Variants in PTK2 observed in about 807,000 individuals in gnomAD.
PTK2 encodes focal adhesion kinase 1.
PTK2 carries 45 observed loss-of-function variants against 150.1 expected under a neutral mutation model. That is an observed-to-expected ratio of 0.30 (90% CI 0.24 to 0.38). PTK2 has a LOEUF of 0.38. PTK2 is among the 10% of genes least tolerant of loss of function. The pLI, the probability that PTK2 is intolerant of heterozygous loss-of-function variation, is 1.00. For missense variants in PTK2, 919 were observed against 1,307.3 expected (o/e 0.70, Z 4.58); for synonymous variants, 432 against 449.2 (o/e 0.96, Z 0.48).
intron 27 of PTK2, chr8:140,675,896 C>A (rs1194187092): frequency 1.2e-5 from 2 of 161,666 alleles, no homozygotes; most frequent in Non-Finnish European, 2.7e-5. Context: ...ATCCAGCAAT[C>A]CCATGACTGC....
At chr8:140,938,172 T>G (rs896751979) in intron 1 of PTK2, among the ~76,000 whole-genome samples, 3 of 152,170 alleles carry the variant, frequency 2.0e-5, no homozygotes, top group Non-Finnish European at 4.4e-5. Context: ...AGTCCACTAG[T>G]GTAGGGCTGT....
At chr8:140,894,919 T>C (rs1197575496) in intron 2 of PTK2, among the ~76,000 whole-genome samples, 1 of 152,210 alleles carries the variant, frequency 6.6e-6, no homozygotes, top group Non-Finnish European at 1.5e-5. Context: ...AAACTGACAC[T>C]ATACCTAATA....
intron 1 of PTK2, among the ~76,000 whole-genome samples, chr8:140,935,427 G>C (rs1014927879): frequency 7.2e-5 from 11 of 152,222 alleles, no homozygotes; most frequent in African/African-American, 2.6e-4. Context: ...ATAACACCTA[G>C]GCTGCGATGT....
intron 21 of PTK2, 67 bp downstream of exon 24, chr8:140,738,951 T>C: frequency 9.8e-7 from 1 of 1,024,170 alleles, no homozygotes; most frequent in Non-Finnish European, 1.4e-6. Context: ...CAAAAAGAGA[T>C]AATTTTTTTT....
intron 11 of PTK2, 152 bp downstream of exon 11, chr8:140,803,391 A>G: frequency 1.5e-6 from 1 of 674,072 alleles, no homozygotes; most frequent in Non-Finnish European, 2.6e-6. Context: ...ACATTTAATC[A>G]TTATTGTTTC....
intron 22 of PTK2, among the ~76,000 whole-genome samples, chr8:140,722,631 G>A (rs1400174110): frequency 1.3e-5 from 2 of 152,140 alleles, no homozygotes; most frequent in African/African-American, 4.8e-5. Context: ...CAGGAGACCA[G>A]TCAGAGACCA....
chr8:140,851,018 A>C (rs1008149092), intron 5 of PTK2, among the ~76,000 whole-genome samples: 1 of 152,232 alleles, frequency 6.6e-6, no homozygotes, highest in Non-Finnish European at 1.5e-5. Flanking sequence ...AGTTGGACTC[A>C]AATGACCTTG....
chr8:140,876,840 T>C (rs1164180254), intron 4 of PTK2, among the ~76,000 whole-genome samples: 1 of 152,126 alleles, frequency 6.6e-6, no homozygotes, highest in East Asian at 1.9e-4. Flanking sequence ...ATTTGGACTA[T>C]CCAAATTCTC....
intron 7 of PTK2, among the ~76,000 whole-genome samples, chr8:140,834,263 T>A (rs900998732): frequency 3.9e-5 from 6 of 152,150 alleles, no homozygotes; most frequent in African/African-American, 1.2e-4. Context: ...GCACTGGGAA[T>A]AGGTGCAGAG....
intron 4 of PTK2, among the ~76,000 whole-genome samples, chr8:140,871,609 G>A (rs1404438222): frequency 1.3e-5 from 2 of 152,130 alleles, no homozygotes; most frequent in Non-Finnish European, 2.9e-5. Flanking sequence ...GATCAGCCTG[G>A]GTAACATATC....
At chr8:140,694,685 C>G (rs1021348145) in intron 26 of PTK2, among the ~76,000 whole-genome samples, 7 of 152,086 alleles carry the variant, frequency 4.6e-5, no homozygotes, top group Non-Finnish European at 7.4e-5. Context: ...TGCCAAAGGC[C>G]AAGACCCAGA....
chr8:140,818,460 G>T, intron 9 of PTK2, 106 bp from the exon 10 acceptor site: 1 of 947,256 alleles, frequency 1.1e-6, no homozygotes, highest in Non-Finnish European at 1.7e-6. Context: ...GGGCTGGTTT[G>T]GTTTGCTATT....
chr8:140,802,646 T>G (rs1297554674), intron 11 of PTK2, among the ~76,000 whole-genome samples: 4 of 152,196 alleles, frequency 2.6e-5, no homozygotes, highest in African/African-American at 9.7e-5. Context: ...CAAGCTCCAC[T>G]CATGGTAAGG....
At position 140,706,216 on chromosome 8, in the gene PTK2, A is replaced by G; in HGVS notation, c.2143-11T>C. 1 of 1,600,188 alleles carries G rather than the reference A, an allele frequency of 6.2e-7. No homozygotes were observed. The highest frequency in any genetic ancestry group is 1.3e-5 in the African/African-American group (1 of 74,362). ...ACCCGGTCTGCTGGGCTGTAAAATC[A>G]AGAGAGCATCATATGAATGAACCTT... On this transcript the variant is annotated splice_polypyrimidine_tract_variant and intron_variant, in intron 23 of 31. Coordinates refer to ENST00000522684, the Ensembl canonical transcript of PTK2.
intron 27 of PTK2, among the ~76,000 whole-genome samples, chr8:140,684,716 G>T (rs543295162): frequency 6.6e-6 from 1 of 152,036 alleles, no homozygotes; most frequent in African/African-American, 2.4e-5. Flanking sequence ...GAGATGACAC[G>T]AACAAATGGA....
chr8:140,894,078 C>A (rs976448470), intron 2 of PTK2, among the ~76,000 whole-genome samples: 29 of 152,154 alleles, frequency 1.9e-4, no homozygotes, highest in African/African-American at 6.8e-4. Context: ...CATACTCCCC[C>A]CAATGTGATG....
intron 8 of PTK2, 39 bp downstream of exon 8, chr8:140,830,433 A>C (rs777392607): frequency 7.4e-7 from 1 of 1,358,172 alleles, no homozygotes; most frequent in Non-Finnish European, 1.0e-6. Context: ...TCTTGGCATA[A>C]TTTTGTTATT....
At chr8:140,662,145 G>T (rs962892876) in intron 31 of PTK2, among the ~76,000 whole-genome samples, 1 of 151,878 alleles carries the variant, frequency 6.6e-6, no homozygotes, top group Non-Finnish European at 1.5e-5. Flanking sequence ...AAAAAATAAA[G>T]AATTAGCTGG....
intron 27 of PTK2, among the ~76,000 whole-genome samples, chr8:140,679,961 C>G (rs2100016101): frequency 6.6e-6 from 1 of 152,130 alleles, no homozygotes; most frequent in South Asian, 2.1e-4. Flanking sequence ...TTAACAGTCC[C>G]CAGGAAGGCA....
Sources: allele counts gnomAD v4.1 joint callset (sites outside exome capture counted in the v4.1 genomes callset), GRCh38; gene constraint gnomAD v4.1.1; transcripts MANE v1.5; gene names NCBI Gene and HGNC (gene_info 2026-07-23, HGNC 2026-07-21).